CALCR: variants seen among roughly 807,000 people sequenced by gnomAD.
CALCR encodes the protein calcitonin receptor.
CALCR carries 47 observed loss-of-function variants against 59.5 expected under a neutral mutation model. The ratio of observed to expected loss-of-function variants is 0.79; its 90% CI spans 0.63 to 1.01. The LOEUF (loss-of-function observed/expected upper bound fraction) is 1.01. CALCR is among the 50% of genes least tolerant of loss of function. The pLI is 0.00. For synonymous variants in CALCR, 213 were observed against 211.3 expected (o/e 1.01, Z -0.07); for missense variants, 566 against 597.1 (o/e 0.95, Z 0.54).
intron 2 of CALCR, among the ~76,000 whole-genome samples, chr7:93,544,434 T>A (rs1789229711): frequency 6.6e-6 from 1 of 152,168 alleles, no homozygotes; most frequent in African/African-American, 2.4e-5. Context: ...CCCTTGGTAT[T>A]TGCTTTCTAT....
chr7:93,463,059 T>C (rs965007634), intron 7 of CALCR, among the ~76,000 whole-genome samples: 1 of 151,932 alleles, frequency 6.6e-6, no homozygotes, highest in African/African-American at 2.4e-5. Flanking sequence ...CTGTGACCAC[T>C]AAGCAATTTT....
intron 2 of CALCR, among the ~76,000 whole-genome samples, chr7:93,502,591 G>A (rs568366251): frequency 6.6e-6 from 1 of 152,066 alleles, no homozygotes; most frequent in African/African-American, 2.4e-5. Context: ...AAAACATCCA[G>A]ACCCTTTGAC....
intron 2 of CALCR, among the ~76,000 whole-genome samples, chr7:93,514,711 T>C (rs1285796996): frequency 1.3e-5 from 2 of 151,990 alleles, no homozygotes; most frequent in African/African-American, 4.8e-5. Context: ...TGATTTCATG[T>C]GCATATTTTA....
chr7:93,486,166 A>G (rs956466435), intron 3 of CALCR, among the ~76,000 whole-genome samples: 1 of 151,480 alleles, frequency 6.6e-6, no homozygotes, highest in African/African-American at 2.4e-5. Context: ...CTGATGTGAC[A>G]GAAAGGATAA....
chr7:93,506,705 A>G (rs1160410788), intron 2 of CALCR, among the ~76,000 whole-genome samples: 1 of 150,448 alleles, frequency 6.6e-6, no homozygotes, highest in African/African-American at 2.5e-5. Flanking sequence ...GCAGATTCTC[A>G]GCTTCCTAGC....
At chr7:93,472,339 T>C (rs373710186) in intron 6 of CALCR, 36 bp downstream of exon 6, 4 of 1,185,254 alleles carry the variant, frequency 3.4e-6, no homozygotes, top group Non-Finnish European at 5.0e-6. Flanking sequence ...AATAATGACA[T>C]TCTCACTCAA....
chr7:93,499,355 T>C (rs1801274693), intron 2 of CALCR, among the ~76,000 whole-genome samples: 1 of 151,798 alleles, frequency 6.6e-6, no homozygotes, highest in Non-Finnish European at 1.5e-5. Flanking sequence ...TCTCTGGAAA[T>C]TCGCAAGTAT....
intron 2 of CALCR, among the ~76,000 whole-genome samples, chr7:93,527,738 A>C (rs1179389203): frequency 1.3e-5 from 2 of 152,200 alleles, no homozygotes; most frequent in African/African-American, 2.4e-5. Context: ...CTATTATAAA[A>C]GATGAATATA....
At chr7:93,546,824 G>T (rs1257264673) in intron 2 of CALCR, among the ~76,000 whole-genome samples, 1 of 151,922 alleles carries the variant, frequency 6.6e-6, no homozygotes, top group African/African-American at 2.4e-5. Context: ...GCCTCCCAAA[G>T]TGCTGGGATT....
At chr7:93,434,161 G>T in intron 13 of CALCR, 92 bp downstream of exon 13, 1 of 875,782 alleles carries the variant, frequency 1.1e-6, no homozygotes, top group Non-Finnish European at 2.0e-6. Context: ...AACTGTAGAA[G>T]TGAGATGAAA....
At chr7:93,533,346 T>A (rs1788898060) in intron 2 of CALCR, among the ~76,000 whole-genome samples, 1 of 151,942 alleles carries the variant, frequency 6.6e-6, no homozygotes, top group African/African-American at 2.4e-5. Flanking sequence ...TTGGCTAAAA[T>A]GCCCCAAAAA....
chr7:93,452,809 T>G lies in CALCR; in HGVS notation c.648+8012A>C, dbSNP rs541169427. On this transcript the variant is annotated intron_variant, in intron 8 of 13. Coordinates refer to ENST00000426151, the MANE Select transcript of CALCR (RefSeq NM_001742.4). ...TACCAGGGCAAACAGAAGTGTAGGCTCTACACAATTCTGATTAAAAAACAA... is the reference window on the plus strand; with the variant it reads ...TACCAGGGCAAACAGAAGTGTAGGCGCTACACAATTCTGATTAAAAAACAA... 2.6e-5 allele frequency among the ~76,000 whole-genome samples: 4 copies of G among 151,562 alleles called. No individual in the cohort carries two copies. In the South Asian group the frequency reaches 8.4e-4, roughly 32 times the overall value.
rs752258514 is a variant in CALCR at position 93,460,944 on chromosome 7, G to T, written c.525C>A (p.Ser175Arg). The T allele has an allele frequency of 1.2e-6, 2 of 1,607,626 alleles. No individual in the cohort carries two copies. The highest frequency in any genetic ancestry group is 2.7e-5 in the African/African-American group (2 of 74,316). Reference protein sequence around the residue: ...ISLGIFVFFRSLGCQRVTLHK... With the variant: ...ISLGIFVFFRRLGCQRVTLHK... ...GCAGGGTTACCCTTTGGCAGCCAAG[G>T]CTCCTGGAAGAAAAAGTAACATAAA... The change falls in exon 8 of 14, where the codon AGC (serine) becomes AGA (arginine). Residue 175 changes from serine (S) to arginine (R), a missense_variant. Physicochemically the swap from Ser to Arg is moderately radical, Grantham distance 110 (BLOSUM62 -1). Transcript: ENST00000426151.
At chr7:93,494,209 T>C (rs1183679126) in intron 2 of CALCR, among the ~76,000 whole-genome samples, 5 of 151,446 alleles carry the variant, frequency 3.3e-5, no homozygotes, top group African/African-American at 4.8e-5. Context: ...GGTTAATTGA[T>C]AGTACATGGT....
chr7:93,496,276 T>C (rs1008592372), intron 2 of CALCR, among the ~76,000 whole-genome samples: 1 of 151,460 alleles, frequency 6.6e-6, no homozygotes, highest in Non-Finnish European at 1.5e-5. Context: ...CTATAGACAT[T>C]AGCACTTTAA....
intron 8 of CALCR, among the ~76,000 whole-genome samples, chr7:93,449,421 T>C (rs997874317): frequency 2.6e-5 from 4 of 152,070 alleles, no homozygotes; most frequent in African/African-American, 4.8e-5. Context: ...TTATTTAATG[T>C]ATATCTAGAC....
At chr7:93,480,748 AG>A (rs1209090987) in intron 3 of CALCR, among the ~76,000 whole-genome samples, 3 of 151,842 alleles carry the variant, frequency 2.0e-5, no homozygotes, top group African/African-American at 7.2e-5. Flanking sequence ...AAAAATATTC[AG>A]GATGGCTACA....
intron 2 of CALCR, among the ~76,000 whole-genome samples, chr7:93,553,364 T>A (rs1278684923): frequency 6.6e-6 from 1 of 152,106 alleles, no homozygotes; most frequent in African/African-American, 2.4e-5. Context: ...AAGGACAGGA[T>A]CCTTTAACAG....
intron 2 of CALCR, among the ~76,000 whole-genome samples, chr7:93,547,917 C>G (rs1789335798): frequency 6.6e-6 from 1 of 152,134 alleles, no homozygotes; most frequent in Admixed American, 6.6e-5. Flanking sequence ...ATTGCTTAAG[C>G]ACGAGAACAG....
Sources: allele counts gnomAD v4.1 joint callset (sites outside exome capture counted in the v4.1 genomes callset), GRCh38; gene constraint gnomAD v4.1.1; transcripts MANE v1.5; gene names NCBI Gene and HGNC (gene_info 2026-07-23, HGNC 2026-07-21).